The following CRYBG1 variants were observed in gnomAD, a reference collection of about 807,000 sequenced individuals.
CRYBG1 encodes crystallin beta-gamma domain containing 1, also known as beta/gamma crystallin domain-containing protein 1.
In CRYBG1, 139 loss-of-function variants were observed where a neutral mutation model predicts 189.2. That is an observed-to-expected ratio of 0.73 (90% CI 0.64 to 0.85). The LOEUF is 0.85. Ranked by LOEUF, CRYBG1 falls within the 40% of genes least tolerant of loss-of-function variation. CRYBG1 has a pLI of 0.00. For missense variants in CRYBG1, 2,611 were observed against 2,675.8 expected (o/e 0.98, Z 0.53); for synonymous variants, 1,023 against 1,017.1 (o/e 1.01, Z -0.11).
intron 8 of CRYBG1, among the ~76,000 whole-genome samples, chr6:106,535,363 A>G (rs1029742441): frequency 7.2e-5 from 11 of 152,230 alleles, no homozygotes; most frequent in African/African-American, 2.7e-4. Context: ...TAGGAAGAAT[A>G]GTTCAGTGAA....
chr6:106,544,569 A>C lies in CRYBG1; in HGVS notation c.5040-2A>C. ...CTACTCCTCGTGTTCTTTATGTTGC[A>C]GTTGGGTTGCATATGAGAAACCTGG... is the stretch of plus-strand genomic sequence containing the variant. On this transcript the variant is annotated splice_acceptor_variant, in intron 11 of 21. Coordinates refer to ENST00000633556, the MANE Select transcript of CRYBG1 (RefSeq NM_001371242.2). LOFTEE classifies it high-confidence loss of function. 6.2e-7 allele frequency: 1 copy of C among 1,613,262 alleles called. No individual in the cohort carries two copies. Among genetic ancestry groups the C allele is most frequent in the Non-Finnish European group, 8.5e-7 (1 of 1,179,596 alleles).
At chr6:106,370,061 TAA>T (rs974803039) in intron 1 of CRYBG1, among the ~76,000 whole-genome samples, 4 of 152,226 alleles carry the variant, frequency 2.6e-5, no homozygotes, top group African/African-American at 9.6e-5. Flanking sequence ...AAGTAGAAAT[TAA>T]AATACATATG....
At chr6:106,475,147 A>G (rs746073746) in intron 2 of CRYBG1, among the ~76,000 whole-genome samples, 4 of 152,188 alleles carry the variant, frequency 2.6e-5, no homozygotes, top group Non-Finnish European at 5.9e-5. Flanking sequence ...ATATATAAAA[A>G]TCACCCGAAT....
intron 4 of CRYBG1, among the ~76,000 whole-genome samples, chr6:106,523,141 T>G (rs1773649428): frequency 7.0e-6 from 1 of 142,290 alleles, no homozygotes; most frequent in Admixed American, 7.0e-5. Flanking sequence ...AAAAGGCAGG[T>G]GACCTCTTCT....
At chr6:106,502,611 T>A (rs1337408351) in intron 2 of CRYBG1, among the ~76,000 whole-genome samples, 4 of 152,330 alleles carry the variant, frequency 2.6e-5, no homozygotes. Flanking sequence ...CGGATAGCTT[T>A]GTGAGAAAAA....
At chr6:106,466,177 G>A (rs1038562609) in intron 2 of CRYBG1, among the ~76,000 whole-genome samples, 6 of 152,176 alleles carry the variant, frequency 3.9e-5, no homozygotes, top group African/African-American at 1.4e-4. Context: ...TCAAGGTTAC[G>A]AGTAAATATT....
chr6:106,432,531 G>A (rs769715043), intron 1 of CRYBG1, among the ~76,000 whole-genome samples: 1 of 152,092 alleles, frequency 6.6e-6, no homozygotes, highest in African/African-American at 2.4e-5. Context: ...AGTTAAGTAT[G>A]TTCCAAGGGA....
intron 1 of CRYBG1, among the ~76,000 whole-genome samples, chr6:106,385,595 T>C (rs957962107): frequency 6.6e-6 from 1 of 152,230 alleles, no homozygotes; most frequent in African/African-American, 2.4e-5. Context: ...AACATCTTCA[T>C]GCACATCCTC....
intron 2 of CRYBG1, among the ~76,000 whole-genome samples, chr6:106,496,014 A>C (rs2114500987): frequency 6.6e-6 from 1 of 152,190 alleles, no homozygotes; most frequent in South Asian, 2.1e-4. Context: ...TTATCTTTCA[A>C]ATGTGTTCCC....
At chr6:106,547,774 C>T (rs1251262031) in intron 13 of CRYBG1, among the ~76,000 whole-genome samples, 14 of 152,116 alleles carry the variant, frequency 9.2e-5, no homozygotes, top group Admixed American at 9.2e-4. Context: ...CATCATTAGT[C>T]CTGAAACAGA....
At chr6:106,467,263 G>A (rs1772132303) in intron 2 of CRYBG1, among the ~76,000 whole-genome samples, 1 of 152,098 alleles carries the variant, frequency 6.6e-6, no homozygotes, top group South Asian at 2.1e-4. Flanking sequence ...AGGAATTCGA[G>A]ACCAGCATGA....
intron 3 of CRYBG1, 73 bp downstream of exon 3, chr6:106,513,112 G>C: frequency 6.7e-7 from 1 of 1,498,686 alleles, no homozygotes; most frequent in South Asian, 1.2e-5. Flanking sequence ...AGAGGCTCGG[G>C]GTATCTGCAT....
intron 2 of CRYBG1, among the ~76,000 whole-genome samples, chr6:106,504,470 C>T (rs1360248544): frequency 1.3e-5 from 2 of 151,986 alleles, no homozygotes; most frequent in African/African-American, 4.8e-5. Flanking sequence ...AACAGAGGTT[C>T]ATAGTTCTGT....
rs1244391909 is a variant in CRYBG1, at chr6:106,512,710, C to A, written c.1593C>A (p.Ser531Arg). 6.5e-7 allele frequency: 1 copy of A among 1,550,070 alleles called. No homozygotes were observed. ...ALEAVPAPPA[S>R]GPRAPAKESP... is the part of the protein sequence containing the mutation. ...AGGCCGTGCCCGCCCCGCCCGCCAG[C>A]GGCCCCCGGGCTCCCGCCAAGGAGT... Residue 531 changes from serine to arginine, a missense_variant, in exon 3 of 22, where the codon AGC (serine) becomes AGA (arginine). Ser to Arg is a moderately radical substitution (Grantham distance 110). This residue lies in a region of CRYBG1 where 985 missense variants were observed against 924.4 expected (regional missense o/e 1.07). Transcript: ENST00000633556.
intron 1 of CRYBG1, among the ~76,000 whole-genome samples, chr6:106,446,152 A>G (rs1771659410): frequency 6.6e-6 from 1 of 152,256 alleles, no homozygotes; most frequent in African/African-American, 2.4e-5. Flanking sequence ...GTAATCTAAT[A>G]CAGGGTCTAA....
At chr6:106,507,677 T>A (rs955321032) in intron 2 of CRYBG1, among the ~76,000 whole-genome samples, 10 of 152,154 alleles carry the variant, frequency 6.6e-5, no homozygotes, top group Admixed American at 4.6e-4. Flanking sequence ...GGCCAGCTAG[T>A]TTTTTGTCTC....
chr6:106,447,421 A>T (rs1771683699), intron 1 of CRYBG1, among the ~76,000 whole-genome samples: 1 of 152,110 alleles, frequency 6.6e-6, no homozygotes, highest in African/African-American at 2.4e-5. Context: ...TGTACACTTA[A>T]AAATAACTAA....
chr6:106,450,715 G>A (rs1028018958), intron 1 of CRYBG1, among the ~76,000 whole-genome samples: 6 of 152,148 alleles, frequency 3.9e-5, no homozygotes, highest in African/African-American at 1.4e-4. Context: ...CCTGCACATG[G>A]TCCCAAGATG....
intron 1 of CRYBG1, among the ~76,000 whole-genome samples, chr6:106,422,997 A>G (rs565919346): frequency 6.6e-6 from 1 of 152,154 alleles, no homozygotes; most frequent in Non-Finnish European, 1.5e-5. Context: ...CTGGAAGTGA[A>G]TTGCTCCCGT....
Sources: gnomAD v4.1 joint callset for allele counts (sites outside exome capture counted in the v4.1 genomes callset) on GRCh38, gnomAD v4.1.1 for gene constraint, gnomAD v4.1.1 regional missense constraint, MANE v1.5 for transcripts, NCBI Gene and HGNC (gene_info 2026-07-23, HGNC 2026-07-21) for gene names.